The following DOCK11 variants were observed in gnomAD, a reference collection of about 807,000 sequenced individuals.
DOCK11 encodes dedicator of cytokinesis protein 11.
Under a neutral mutation model 169.1 loss-of-function variants are expected in DOCK11, and 70 were observed. The ratio of observed to expected loss-of-function variants is 0.41; its 90% confidence interval spans 0.34 to 0.51. The LOEUF (loss-of-function observed/expected upper bound fraction) is 0.51. Ranked by LOEUF, DOCK11 falls within the 20% of genes least tolerant of loss-of-function variation. DOCK11 has a pLI of 0.10. For missense variants in DOCK11, 1,166 were observed against 1,538.8 expected (o/e 0.76, Z 4.05); for synonymous variants, 529 against 541.3 (o/e 0.98, Z 0.32).
rs748316783 is a variant in DOCK11 at position 118,621,633 on chromosome X, A to ATC, written c.3472-2898_3472-2897dup. Among the ~76,000 whole-genome samples the ATC allele has an allele frequency of 3.6e-5, 4 of 110,545 alleles. No individual in the cohort carries two copies. The East Asian group carries it at 1.1e-3, about 31-fold the overall frequency. On this transcript the variant is annotated intron_variant, in intron 31 of 52. Transcript: ENST00000276202. Reference sequence around the variant, plus strand: ...TGTTACTCATAAACTATTTAGCAATATCTCTCTCTTTTTTTTTTGTGACGG... The same window carrying ATC: ...TGTTACTCATAAACTATTTAGCAATATCTCTCTCTCTTTTTTTTTTGTGACGG...
Position 118,614,795 on chromosome X carries a change from T to C in DOCK11, c.3180+20T>C. On this transcript the variant is annotated intron_variant, in intron 29 of 52. Transcript: ENST00000276202. ...CCTAAGGTAAGTTATAAGGACATGA[T>C]TGTAGTGGATGTCAGACATCTGAGC... The C allele has an allele frequency of 9.8e-7, 1 of 1,023,790 alleles. No individual in the cohort carries two copies. The highest frequency in any genetic ancestry group is 2.0e-5 in the South Asian group (1 of 50,102). The allele number at this position is 1,023,790 out of a possible 1,213,427, so 84.4% of individuals were successfully genotyped here. A position where few individuals can be genotyped will look rare whatever the true frequency, so the allele number is the denominator to read the frequency against.
rs972153832 is a variant in DOCK11, at chrX:118,584,964, G to T, written c.1719-77G>T. On this transcript the variant is annotated intron_variant, in intron 15 of 52. Coordinates refer to ENST00000276202, the MANE Select transcript of DOCK11 (RefSeq NM_144658.4). ...TGGGAAAAACAGAATGATTAAAATT[G>T]TAAGTTTGGATAGAGGGTAACCAGT... The T allele has an allele frequency of 7.0e-6, 8 of 1,142,978 alleles. No homozygotes were observed. The African/African-American group carries it at 1.1e-4, about 15-fold the overall frequency. 94.2% of individuals were successfully genotyped at this position (1,142,978 alleles called of 1,213,427 possible). A position where few individuals can be genotyped will look rare whatever the true frequency, so the allele number is the denominator to read the frequency against.
chrX:118,554,504 C>T (rs780444393), intron 6 of DOCK11, among the ~76,000 whole-genome samples: 5 of 111,126 alleles, frequency 4.5e-5, no homozygotes, highest in South Asian at 3.8e-4. Context: ...GAGCTGAGAT[C>T]GCACCACTGC....
intron 1 of DOCK11, among the ~76,000 whole-genome samples, chrX:118,516,913 C>G (rs7058564): frequency 0.094 from 10,420 of 110,807 alleles, 1,250 homozygotes; most frequent in African/African-American, 0.32. Flanking sequence ...ACCTCAGAGG[C>G]TTGTTGCAAG....
chrX:118,618,462 T>C, intron 30 of DOCK11, 88 bp from the exon 31 acceptor site: 2 of 687,039 alleles, frequency 2.9e-6, no homozygotes, highest in Non-Finnish European at 4.2e-6. Context: ...GCTAGCATGA[T>C]CACATATTAT....
intron 40 of DOCK11, among the ~76,000 whole-genome samples, chrX:118,648,115 A>ATATTACAATTTAT (rs2015824628): frequency 1.3e-5 from 1 of 75,719 alleles, no homozygotes; most frequent in Non-Finnish European, 2.3e-5. Flanking sequence ...ATAATATATA[A>ATATTACAATTTAT]ATTGTAATAT....
intron 14 of DOCK11, among the ~76,000 whole-genome samples, chrX:118,581,987 G>C (rs1003861475): frequency 9.2e-6 from 1 of 109,208 alleles, no homozygotes; most frequent in African/African-American, 3.3e-5. Flanking sequence ...AAAATTAGCC[G>C]GGCGTGATGG....
At chrX:118,684,731 T>A (rs1052086634) in intron 52 of DOCK11, among the ~76,000 whole-genome samples, 19 of 112,124 alleles carry the variant, frequency 1.7e-4, no homozygotes, top group African/African-American at 5.8e-4. Flanking sequence ...CCAGCATAGA[T>A]AATCAGTTAT....
At chrX:118,510,333 C>T (rs1282556728) in intron 1 of DOCK11, among the ~76,000 whole-genome samples, 2 of 112,205 alleles carry the variant, frequency 1.8e-5, no homozygotes, top group South Asian at 3.7e-4. Flanking sequence ...ATCCCTTTTG[C>T]GAATTTTGGC....
chrX:118,544,969 C>A (rs1322751427), intron 4 of DOCK11, among the ~76,000 whole-genome samples: 2 of 109,463 alleles, frequency 1.8e-5, no homozygotes, highest in African/African-American at 6.7e-5. Flanking sequence ...CCACGCCTGG[C>A]CTGTGTTGCT....
chrX:118,659,401 G>C (rs1259234751), intron 44 of DOCK11, among the ~76,000 whole-genome samples: 2 of 112,089 alleles, frequency 1.8e-5, no homozygotes, highest in African/African-American at 6.5e-5. Context: ...GTCTACATGA[G>C]ATCCCTCAAA....
At chrX:118,529,657 A>G (rs1603034135) in intron 1 of DOCK11, among the ~76,000 whole-genome samples, 1 of 112,134 alleles carries the variant, frequency 8.9e-6, no homozygotes, top group East Asian at 2.8e-4. Context: ...AACATCAGGC[A>G]CTGCACCTTG....
chrX:118,627,928 G>A lies in DOCK11; in HGVS notation c.3665-235G>A, dbSNP rs1287429355. On this transcript the variant is annotated intron_variant, in intron 33 of 52. Transcript: ENST00000276202. ...TTTAAATTGTGTGGCTTTATTTTAC[G>A]GCTTCCAAGGAATTTCTTGTCATTT... Among the ~76,000 whole-genome samples, 5 of 111,711 alleles carry A rather than the reference G, an allele frequency of 4.5e-5. No individual in the cohort carries two copies. In the South Asian group the frequency reaches 1.1e-3, roughly 25 times the overall value.
Position 118,654,578 on chromosome X carries a change from C to G in DOCK11, c.4696-24C>G, listed in dbSNP as rs751978626. ...ACATCGATATTGTTGTTCAACTTGTCTTTTTTGTTTGTTTTGAAATTAGGC... is the reference window on the plus strand; with the variant it reads ...ACATCGATATTGTTGTTCAACTTGTGTTTTTTGTTTGTTTTGAAATTAGGC... On this transcript the variant is annotated intron_variant, in intron 42 of 52. Coordinates refer to ENST00000276202, the MANE Select transcript of DOCK11 (RefSeq NM_144658.4). 31 of 1,197,330 alleles carry G rather than the reference C, an allele frequency of 2.6e-5. No homozygotes were observed. The East Asian group carries it at 7.1e-4, about 27-fold the overall frequency.
At chrX:118,675,601 A>T (rs1384330943) in intron 46 of DOCK11, among the ~76,000 whole-genome samples, 3 of 109,611 alleles carry the variant, frequency 2.7e-5, no homozygotes, top group South Asian at 4.0e-4. Context: ...AGGGGAGGGA[A>T]CTTAGAGGAT....
chrX:118,629,793 C>T (rs755556970), intron 34 of DOCK11, among the ~76,000 whole-genome samples: 1 of 105,267 alleles, frequency 9.5e-6, no homozygotes, highest in East Asian at 3.0e-4. Context: ...GGACTACAGG[C>T]ATGCACCATC....
chrX:118,609,688 C>A (rs2014631075), intron 27 of DOCK11, among the ~76,000 whole-genome samples: 1 of 112,067 alleles, frequency 8.9e-6, no homozygotes, highest in African/African-American at 3.2e-5. Flanking sequence ...AAATGTCTCT[C>A]GAGAAGACCC....
Position 118,648,998 on chromosome X carries a change from T to C in DOCK11, c.4452T>C (p.Tyr1484=), listed in dbSNP as rs768638106. The C allele has an allele frequency of 8.3e-7, 1 of 1,208,334 alleles. No homozygotes were observed. The change falls in exon 41 of 53, where the codon TAT becomes TAC. Residue 1484 remains tyrosine, a synonymous_variant. Coordinates refer to ENST00000276202, the MANE Select transcript of DOCK11 (RefSeq NM_144658.4). The stretch of plus-strand genomic sequence containing the variant: ...TAAACATGTGTGCTGCATTTTGCTA[T>C]GAGGTTTTAAAGTGCTGCACATCGA... ...GRVNMCAAFC[Y]EVLKCCTSKI...
intron 1 of DOCK11, among the ~76,000 whole-genome samples, chrX:118,502,349 T>G: frequency 8.9e-6 from 1 of 112,312 alleles, no homozygotes; most frequent in Non-Finnish European, 1.9e-5. Context: ...CTTCCTCTTT[T>G]GCATAACAAC....
Sources: gnomAD v4.1 joint callset for allele counts (sites outside exome capture counted in the v4.1 genomes callset) on GRCh38, gnomAD v4.1.1 for gene constraint, MANE v1.5 for transcripts, NCBI Gene and HGNC (gene_info 2026-07-23, HGNC 2026-07-21) for gene names.